The following GRID2 variants were observed in gnomAD, a reference collection of about 807,000 sequenced individuals.
GRID2 encodes glutamate receptor ionotropic, delta-2.
Under a neutral mutation model 114.8 loss-of-function variants are expected in GRID2, and 33 were observed. That is an observed-to-expected ratio of 0.29 (90% CI 0.22 to 0.38). The LOEUF (loss-of-function observed/expected upper bound fraction) is 0.38. Ranked by LOEUF, GRID2 falls within the 10% of genes least tolerant of loss-of-function variation. The pLI is 1.00. For missense variants in GRID2, 1,184 were observed against 1,257.7 expected (o/e 0.94, Z 0.89); for synonymous variants, 505 against 449.9 (o/e 1.12, Z -1.55).
At chr4:92,833,892 C>T (rs1578263586) in intron 2 of GRID2, 1 of 152,180 alleles carries the variant, frequency 6.6e-6, no homozygotes, top group African/African-American at 2.4e-5. Context: ...TGAGCCAACA[C>T]CAGCACATTT....
intron 12 of GRID2, among the ~76,000 whole-genome samples, chr4:93,507,957 A>G (rs555211508): frequency 1.1e-4 from 16 of 152,228 alleles, no homozygotes; most frequent in Admixed American, 3.3e-4. Context: ...AAAATGAACA[A>G]TGAGAACACA....
In GRID2 at chr4:93,041,016, C is replaced by T. The variant is rs1414729006; in HGVS notation, c.245-43979C>T. 3.3e-5 allele frequency among the ~76,000 whole-genome samples: 5 copies of T among 151,806 alleles called. No individual in the cohort carries two copies. In the East Asian group the frequency reaches 5.8e-4, roughly 18 times the overall value. On this transcript the variant is annotated intron_variant, in intron 2 of 15. Transcript: ENST00000282020. The stretch of plus-strand genomic sequence containing the variant: ...TAAAATAAGGGTAAAGGAATGGTAG[C>T]GATTGTAAAATTAAGAACAAAAATC...
chr4:93,780,040 G>A (rs1734448533), intron 1 of GRID2, among the ~76,000 whole-genome samples: 1 of 152,224 alleles, frequency 6.6e-6, no homozygotes, highest in Non-Finnish European at 1.5e-5. Context: ...TGCCTTCATG[G>A]AGTTCACAGT....
chr4:93,044,883 C>A (rs1041387522), intron 2 of GRID2, among the ~76,000 whole-genome samples: 1 of 152,002 alleles, frequency 6.6e-6, no homozygotes, highest in Non-Finnish European at 1.5e-5. Flanking sequence ...ACATTGGAAG[C>A]TTTCTGGGCA....
In GRID2 at chr4:92,590,071, C is replaced by A. The variant is rs577720254; in HGVS notation, c.89-60C>A. The A allele has an allele frequency of 2.5e-3, 2,907 of 1,142,760 alleles. 96 individuals carry two copies. The South Asian group carries it at 0.035, about 14-fold the overall frequency. 70.8% of individuals were successfully genotyped at this position (1,142,760 alleles called of 1,614,324 possible). On this transcript the variant is annotated intron_variant, in intron 1 of 15. Coordinates refer to ENST00000282020, the MANE Select transcript of GRID2 (RefSeq NM_001510.4). The stretch of plus-strand genomic sequence containing the variant: ...ACACATAAGTCTCCTTGTCATATTT[C>A]CAGAGGGGATGACAGAATATTTATG...
intron 1 of GRID2, among the ~76,000 whole-genome samples, chr4:92,500,713 A>G (rs931958250): frequency 6.6e-6 from 1 of 152,132 alleles, no homozygotes; most frequent in Non-Finnish European, 1.5e-5. Context: ...TGTCCGCCAG[A>G]AGCCAGGAGT....
chr4:93,529,263 C>T (rs1416833487), intron 13 of GRID2, among the ~76,000 whole-genome samples: 1 of 152,200 alleles, frequency 6.6e-6, no homozygotes, highest in Non-Finnish European at 1.5e-5. Context: ...ATGAGCAATA[C>T]AGATGATTCT....
At chr4:92,439,080 C>T (rs560604295) in intron 1 of GRID2, among the ~76,000 whole-genome samples, 2 of 150,176 alleles carry the variant, frequency 1.3e-5, no homozygotes, top group African/African-American at 2.5e-5. Context: ...AGGGTGGGGC[C>T]GTTTTACAGG....
chr4:92,755,865 G>A (rs1266043902), intron 2 of GRID2, among the ~76,000 whole-genome samples: 3 of 152,094 alleles, frequency 2.0e-5, no homozygotes, highest in Non-Finnish European at 4.4e-5. Flanking sequence ...GTTCATATCT[G>A]TGGGATACAT....
At chr4:93,234,646 C>CTTT (rs35406159) in intron 7 of GRID2, among the ~76,000 whole-genome samples, 11 of 142,300 alleles carry the variant, frequency 7.7e-5, no homozygotes, top group Admixed American at 4.9e-4. Flanking sequence ...TTGTCGTCCT[C>CTTT]TTTTTTTTTT....
chr4:93,503,366 G>A (rs976293736), intron 12 of GRID2, among the ~76,000 whole-genome samples: 2 of 152,004 alleles, frequency 1.3e-5, no homozygotes, highest in South Asian at 2.1e-4. Context: ...GGGTACATGT[G>A]CACAACGTGC....
chr4:93,602,351 G>T (rs1045953482), intron 13 of GRID2, among the ~76,000 whole-genome samples: 2 of 152,186 alleles, frequency 1.3e-5, no homozygotes, highest in Non-Finnish European at 2.9e-5. Flanking sequence ...TGATGCATGA[G>T]TGTACCTTGT....
chr4:93,309,544 T>A (rs932918872), intron 8 of GRID2, among the ~76,000 whole-genome samples: 6 of 145,732 alleles, frequency 4.1e-5, no homozygotes, highest in South Asian at 4.2e-4. Flanking sequence ...TCTCAAAAAA[T>A]AATAATAATA....
At chr4:93,524,779 G>GAA (rs1730664723) in intron 13 of GRID2, among the ~76,000 whole-genome samples, 1 of 91,384 alleles carries the variant, frequency 1.1e-5, no homozygotes, top group Non-Finnish European at 2.2e-5. Context: ...ATATATGTAT[G>GAA]TATGTGTATA....
At chr4:92,849,939 A>G (rs181208341) in intron 2 of GRID2, among the ~76,000 whole-genome samples, 175 of 151,782 alleles carry the variant, frequency 1.2e-3, no homozygotes, top group Non-Finnish European at 2.1e-3. Flanking sequence ...GCAATTAAAG[A>G]TTATAATATA....
chr4:93,037,930 T>C (rs1725078518), intron 2 of GRID2, among the ~76,000 whole-genome samples: 1 of 152,210 alleles, frequency 6.6e-6, no homozygotes, highest in African/African-American at 2.4e-5. Context: ...GACTCTTTTT[T>C]GGTTCCATAT....
intron 2 of GRID2, among the ~76,000 whole-genome samples, chr4:93,020,561 TAATGTGGGTTTAA>T (rs1010743571): frequency 2.0e-5 from 3 of 152,164 alleles, no homozygotes; most frequent in Non-Finnish European, 2.9e-5. Flanking sequence ...AGTCAAAGAC[TAATGTGGGTTTAA>T]AATGTGGGTT....
At chr4:93,337,871 A>T (rs960038601) in intron 8 of GRID2, among the ~76,000 whole-genome samples, 9 of 152,142 alleles carry the variant, frequency 5.9e-5, no homozygotes, top group Non-Finnish European at 1.5e-5. Context: ...CATTTTTCAA[A>T]AATAATTTAA....
chr4:92,861,225 A>T (rs1367389715), intron 2 of GRID2, among the ~76,000 whole-genome samples: 1 of 152,096 alleles, frequency 6.6e-6, no homozygotes. Flanking sequence ...ATCAGCTCAC[A>T]GTTCTGTGGG....
Sources: gnomAD v4.1 joint callset for allele counts (sites outside exome capture counted in the v4.1 genomes callset) on GRCh38, gnomAD v4.1.1 for gene constraint, MANE v1.5 for transcripts, NCBI Gene and HGNC (gene_info 2026-07-23, HGNC 2026-07-21) for gene names.